CACNG2: variants seen among roughly 807,000 people sequenced by gnomAD.
CACNG2 encodes voltage-dependent calcium channel gamma-2 subunit.
A neutral mutation model predicts 25.9 loss-of-function variants in CACNG2; 3 were observed. The ratio of observed to expected loss-of-function variants is 0.12; its 90% CI spans 0.05 to 0.30. CACNG2 has a LOEUF of 0.30. CACNG2 is among the 10% of genes least tolerant of loss of function. CACNG2 has a pLI of 1.00. For missense variants in CACNG2, 341 were observed against 432.5 expected, an observed-to-expected ratio of 0.79 and a Z score of 1.88; for synonymous variants, 167 against 173.3, an observed-to-expected ratio of 0.96 and a Z score of 0.29.
intron 1 of CACNG2, among the ~76,000 whole-genome samples, chr22:36,624,621 C>T (rs559833006): frequency 6.6e-6 from 1 of 152,290 alleles, no homozygotes; most frequent in East Asian, 1.9e-4. Context: ...CCCCTCCAAA[C>T]CTGCCCCTAG....
intron 2 of CACNG2, among the ~76,000 whole-genome samples, chr22:36,579,439 C>T (rs1935377724): frequency 7.0e-6 from 1 of 143,208 alleles, no homozygotes; most frequent in African/African-American, 2.6e-5. Context: ...AAGCTGCCGG[C>T]TGTCTTGTCA....
intron 1 of CACNG2, among the ~76,000 whole-genome samples, chr22:36,625,236 C>A (rs907632298): frequency 5.3e-5 from 8 of 152,118 alleles, no homozygotes; most frequent in African/African-American, 1.9e-4. Context: ...GATAGAGAGT[C>A]TGAAAATGCA....
At position 36,588,133 on chromosome 22, in the gene CACNG2, T is replaced by C. The variant is rs566944587; in HGVS notation, c.212-585A>G. Among the ~76,000 whole-genome samples, 11 of 152,198 alleles carry C rather than the reference T, an allele frequency of 7.2e-5. No individual in the cohort carries two copies. The East Asian group carries it at 1.9e-3, about 27-fold the overall frequency. On this transcript the variant is annotated intron_variant, in intron 1 of 3. Transcript: ENST00000300105. ...GTTGAGCCCCCTGGGGGCTGGACTT[T>C]TGGGTTTTGAACTACAGCTCATTTT... is the stretch of plus-strand genomic sequence containing the variant.
intron 1 of CACNG2, among the ~76,000 whole-genome samples, chr22:36,614,284 A>G (rs1300767841): frequency 6.6e-6 from 1 of 151,922 alleles, no homozygotes; most frequent in African/African-American, 2.4e-5. Context: ...TCACTTCTCT[A>G]TCACTTCTCC....
chr22:36,616,098 A>G (rs1936018807), intron 1 of CACNG2, among the ~76,000 whole-genome samples: 1 of 152,148 alleles, frequency 6.6e-6, no homozygotes, highest in Admixed American at 6.5e-5. Context: ...GTGTCCCTTG[A>G]GTGACAATGT....
intron 2 of CACNG2, among the ~76,000 whole-genome samples, chr22:36,587,063 G>C (rs1348153203): frequency 6.6e-6 from 1 of 151,718 alleles, no homozygotes; most frequent in African/African-American, 2.4e-5. Context: ...GCCAAGCACT[G>C]GGCTGAGAAT....
At chr22:36,626,526 T>G (rs1936185829) in intron 1 of CACNG2, among the ~76,000 whole-genome samples, 1 of 152,198 alleles carries the variant, frequency 6.6e-6, no homozygotes, top group Non-Finnish European at 1.5e-5. Context: ...GATCAGAGAA[T>G]AGATACTGTC....
intron 1 of CACNG2, among the ~76,000 whole-genome samples, chr22:36,641,581 CA>C (rs1214131217): frequency 1.3e-5 from 2 of 152,168 alleles, no homozygotes; most frequent in East Asian, 3.8e-4. Flanking sequence ...GAAGGCAAGC[CA>C]GGGGCCCTGT....
intron 1 of CACNG2, among the ~76,000 whole-genome samples, chr22:36,622,958 T>TAA (rs1249797363): frequency 7.2e-6 from 1 of 139,012 alleles, no homozygotes; most frequent in Non-Finnish European, 1.6e-5. Flanking sequence ...AAACTCCGTT[T>TAA]AAAAAAAAAA....
At chr22:36,683,127 C>A (rs951796268) in intron 1 of CACNG2, among the ~76,000 whole-genome samples, 2 of 152,222 alleles carry the variant, frequency 1.3e-5, no homozygotes, top group Non-Finnish European at 2.9e-5. Context: ...TTCCTGGCAT[C>A]TCATTGCTGT....
At chr22:36,609,895 C>T (rs1057356852) in intron 1 of CACNG2, among the ~76,000 whole-genome samples, 2 of 148,390 alleles carry the variant, frequency 1.3e-5, no homozygotes, top group African/African-American at 2.5e-5. Context: ...AGGAATCAGC[C>T]CCCAGAGCAT....
intron 2 of CACNG2, among the ~76,000 whole-genome samples, chr22:36,578,258 TG>T (rs1468312332): frequency 6.6e-6 from 1 of 150,648 alleles, no homozygotes; most frequent in Non-Finnish European, 1.5e-5. Flanking sequence ...TCCCAGCTAC[TG>T]AGACAGAAGA....
At chr22:36,614,120 C>T (rs542508429) in intron 1 of CACNG2, among the ~76,000 whole-genome samples, 12 of 152,254 alleles carry the variant, frequency 7.9e-5, no homozygotes, top group Middle Eastern at 6.8e-3. Flanking sequence ...TACAGGATGA[C>T]GTCCAAACTC....
At chr22:36,616,884 G>C (rs1936028890) in intron 1 of CACNG2, among the ~76,000 whole-genome samples, 2 of 152,194 alleles carry the variant, frequency 1.3e-5, no homozygotes, top group Non-Finnish European at 2.9e-5. Flanking sequence ...TGGGCATTGT[G>C]ATAGGCAAAG....
At chr22:36,657,024 C>T (rs572800341) in intron 1 of CACNG2, among the ~76,000 whole-genome samples, 1 of 152,266 alleles carries the variant, frequency 6.6e-6, no homozygotes, top group East Asian at 1.9e-4. Context: ...ATCCCAGTGC[C>T]CGGAAGAGCA....
chr22:36,601,211 C>G (rs1353738260), intron 1 of CACNG2, among the ~76,000 whole-genome samples: 2 of 149,100 alleles, frequency 1.3e-5, no homozygotes, highest in Non-Finnish European at 3.0e-5. Context: ...TGATATTTGA[C>G]TTTTTTTTTT....
rs1937354849 is a variant in CACNG2, at chr22:36,697,453, T to G, written c.211+4913A>C. 2.0e-5 allele frequency among the ~76,000 whole-genome samples: 3 copies of G among 152,262 alleles called. No homozygotes were observed. The South Asian group carries it at 6.2e-4, about 32-fold the overall frequency. On this transcript the variant is annotated intron_variant, in intron 1 of 3. Transcript: ENST00000300105. ...CTGGAGGCTTGCAGAGGGCACATGA[T>G]AGGGGGACAATGTAGCCCGATGAGT...
intron 2 of CACNG2, among the ~76,000 whole-genome samples, chr22:36,578,289 C>T (rs564630967): frequency 2.8e-4 from 42 of 147,658 alleles, no homozygotes; most frequent in Non-Finnish European, 4.9e-4. Flanking sequence ...ACCCAGGAGG[C>T]GGAGGTTGCA....
intron 1 of CACNG2, among the ~76,000 whole-genome samples, chr22:36,592,498 C>A (rs1001933785): frequency 6.6e-6 from 1 of 152,042 alleles, no homozygotes; most frequent in Non-Finnish European, 1.5e-5. Flanking sequence ...AAAGGTCACA[C>A]AAATTAATAG....
Sources: allele counts gnomAD v4.1 joint callset (sites outside exome capture counted in the v4.1 genomes callset), GRCh38; gene constraint gnomAD v4.1.1; transcripts MANE v1.5; gene names NCBI Gene and HGNC (gene_info 2026-07-23, HGNC 2026-07-21).